Variants in HMGA2 observed in about 807,000 individuals in gnomAD.
HMGA2 encodes high mobility group protein HMGI-C.
A neutral mutation model predicts 19.1 loss-of-function variants in HMGA2; 8 were observed. That is an observed-to-expected ratio of 0.42 (90% CI 0.25 to 0.76). HMGA2 has a LOEUF of 0.76. Among genes scored for constraint, HMGA2 ranks in the 30% least tolerant of loss-of-function variants. The probability of loss-of-function intolerance (pLI) is 0.28; values close to 1 mark genes in which losing one functional copy is unlikely to be tolerated. For synonymous variants in HMGA2, 60 were observed against 48.8 expected, an observed-to-expected ratio of 1.23 and a Z score of -0.96; for missense variants, 109 against 136.3, an observed-to-expected ratio of 0.80 and a Z score of 1.00.
intron 3 of HMGA2, chr12:65,858,343 A>G (rs1871854841): frequency 6.6e-6 from 1 of 152,196 alleles, no homozygotes; most frequent in Admixed American, 6.5e-5. Flanking sequence ...TACAAAAAAA[A>G]AAAAGAAAAG....
rs1025256225 is a variant in HMGA2 at position 65,951,784 on chromosome 12, T to TA, written c.282+370dup. 10 of 184,946 alleles carry TA rather than the reference T, an allele frequency of 5.4e-5. No homozygotes were observed. The South Asian group carries it at 6.1e-4, about 11-fold the overall frequency. The allele number at this position is 184,946 out of a possible 1,614,324, so 11.5% of individuals were successfully genotyped here. A position where few individuals can be genotyped will look rare whatever the true frequency, so the allele number is the denominator to read the frequency against. ...GTCTATATTCTGTTGACACCAGACT[T>TA]ATATTTAATGATTCATGACTGGAAA... is the stretch of plus-strand genomic sequence containing the variant. On this transcript the variant is annotated intron_variant, in intron 4 of 4. Coordinates refer to ENST00000403681, the MANE Select transcript of HMGA2 (RefSeq NM_003483.6).
chr12:65,959,711 A>G (rs566573396), intron 4 of HMGA2, among the ~76,000 whole-genome samples: 1 of 152,278 alleles, frequency 6.6e-6, no homozygotes, highest in South Asian at 2.1e-4. Context: ...CTAGACCCTA[A>G]TGAGATGTGT....
chr12:65,960,222 G>A (rs536234173), intron 4 of HMGA2, among the ~76,000 whole-genome samples: 35 of 152,252 alleles, frequency 2.3e-4, no homozygotes, highest in Admixed American at 2.2e-3. Flanking sequence ...AAAGATGATC[G>A]AAGCTCAGGG....
intron 3 of HMGA2, among the ~76,000 whole-genome samples, chr12:65,888,589 A>T (rs1592423219): frequency 1.4e-5 from 1 of 73,560 alleles, no homozygotes; most frequent in African/African-American, 5.6e-5. Flanking sequence ...TTTGAGACAG[A>T]GTCTCACTCT....
chr12:65,863,740 G>C (rs930609100), intron 3 of HMGA2, among the ~76,000 whole-genome samples: 2 of 152,164 alleles, frequency 1.3e-5, no homozygotes, highest in Non-Finnish European at 2.9e-5. Flanking sequence ...ACTGACTAGG[G>C]AATGTTGTCT....
chr12:65,905,041 CAA>C (rs768245780), intron 3 of HMGA2, among the ~76,000 whole-genome samples: 3 of 137,266 alleles, frequency 2.2e-5, no homozygotes, highest in South Asian at 2.3e-4. Context: ...GACTCCATCT[CAA>C]AAAAAAAAAA....
chr12:65,934,176 C>T (rs1875813626), intron 3 of HMGA2, among the ~76,000 whole-genome samples: 1 of 152,166 alleles, frequency 6.6e-6, no homozygotes, highest in Non-Finnish European at 1.5e-5. Context: ...TAAATGGCTA[C>T]ATTGCGAGAT....
chr12:65,871,531 T>C (rs942226514), intron 3 of HMGA2, among the ~76,000 whole-genome samples: 3 of 152,234 alleles, frequency 2.0e-5, no homozygotes, highest in Non-Finnish European at 2.9e-5. Context: ...CCAGGTATTA[T>C]TTGTTTTCCT....
rs368831216 is a variant in HMGA2, at chr12:65,960,706, C to T, written c.283-2539C>T. Among the ~76,000 whole-genome samples, 19 of 152,338 alleles carry T rather than the reference C, an allele frequency of 1.2e-4. 3 individuals carry two copies. The highest frequency in any genetic ancestry group is 1.2e-3 in the Admixed American group (18 of 15,310). On this transcript the variant is annotated intron_variant, in intron 4 of 4. Coordinates refer to ENST00000403681, the MANE Select transcript of HMGA2 (RefSeq NM_003483.6). ...CCTTTAATGAAGTGAGACTTCCACCCTCTGACATCCTAGTCATGTTCCCAG... is the reference window on the plus strand; with the variant it reads ...CCTTTAATGAAGTGAGACTTCCACCTTCTGACATCCTAGTCATGTTCCCAG...
intron 3 of HMGA2, chr12:65,851,463 T>A: frequency 4.3e-6 from 1 of 232,678 alleles, no homozygotes; most frequent in Non-Finnish European, 8.9e-6. Flanking sequence ...TGCAGTGAGC[T>A]GAGATTGCAC....
intron 3 of HMGA2, among the ~76,000 whole-genome samples, chr12:65,885,372 T>C (rs747005242): frequency 2.0e-4 from 30 of 152,190 alleles, no homozygotes; most frequent in Non-Finnish European, 4.3e-4. Context: ...GTTGTTATGT[T>C]CTTTTGGCCA....
intron 3 of HMGA2, among the ~76,000 whole-genome samples, chr12:65,895,702 A>G (rs1447129277): frequency 6.6e-6 from 1 of 152,208 alleles, no homozygotes; most frequent in African/African-American, 2.4e-5. Flanking sequence ...GATGTCTACT[A>G]TGCCTTAACT....
intron 3 of HMGA2, chr12:65,857,669 T>G (rs1210086195): frequency 6.6e-6 from 1 of 152,178 alleles, no homozygotes; most frequent in Admixed American, 6.5e-5. Context: ...TGGGAGGAAA[T>G]TTCCAAATAA....
chr12:65,873,252 A>G (rs1592407679), intron 3 of HMGA2, among the ~76,000 whole-genome samples: 1 of 152,246 alleles, frequency 6.6e-6, no homozygotes, highest in Non-Finnish European at 1.5e-5. Context: ...AAAGTATCCA[A>G]AGAATGAATG....
At chr12:65,832,735 T>C (rs2120846084) in intron 2 of HMGA2, among the ~76,000 whole-genome samples, 1 of 152,180 alleles carries the variant, frequency 6.6e-6, no homozygotes, top group East Asian at 1.9e-4. Context: ...CATTATTTCA[T>C]ATTGTTTTAA....
intron 3 of HMGA2, among the ~76,000 whole-genome samples, chr12:65,903,051 C>A (rs1175662762): frequency 6.6e-6 from 1 of 151,788 alleles, no homozygotes; most frequent in Non-Finnish European, 1.5e-5. Flanking sequence ...AAATGTTGCC[C>A]TAGTTTGTTT....
intron 4 of HMGA2, chr12:65,953,215 G>A (rs868002225): frequency 2.6e-5 from 4 of 152,100 alleles, no homozygotes; most frequent in Non-Finnish European, 5.9e-5. Context: ...AGTTTAATAT[G>A]CAACTAGAGA....
chr12:65,889,655 T>A (rs1242863352), intron 3 of HMGA2, among the ~76,000 whole-genome samples: 1 of 152,156 alleles, frequency 6.6e-6, no homozygotes, highest in South Asian at 2.1e-4. Flanking sequence ...ACAAACCTGT[T>A]TGAAAGTGGT....
At chr12:65,836,337 C>CGAA (rs1870723318) in intron 2 of HMGA2, among the ~76,000 whole-genome samples, 1 of 146,094 alleles carries the variant, frequency 6.8e-6, no homozygotes, top group African/African-American at 2.5e-5. Flanking sequence ...CCAGCCTGGG[C>CGAA]GACAGAGCGA....
Sources: gnomAD v4.1 joint callset for allele counts (sites outside exome capture counted in the v4.1 genomes callset) on GRCh38, gnomAD v4.1.1 for gene constraint, MANE v1.5 for transcripts, NCBI Gene and HGNC (gene_info 2026-07-23, HGNC 2026-07-21) for gene names.